CSMD1: variants seen among roughly 807,000 people sequenced by gnomAD.
CSMD1 encodes the protein CUB and sushi domain-containing protein 1.
In CSMD1, 213 loss-of-function variants were observed where a neutral mutation model predicts 417.5. The observed-to-expected ratio is 0.51, with a 90% CI of 0.46 to 0.57. The LOEUF (loss-of-function observed/expected upper bound fraction) is 0.57. Among genes scored for constraint, CSMD1 ranks in the 20% least tolerant of loss-of-function variants. CSMD1 has a pLI of 0.00. For synonymous variants in CSMD1, 2,862 were observed against 1,736.8 expected (o/e 1.65, Z -16.11); for missense variants, 6,923 against 4,529.7 (o/e 1.53, Z -15.17).
intron 1 of CSMD1, among the ~76,000 whole-genome samples, chr8:4,851,805 G>A (rs1023523683): frequency 5.3e-5 from 8 of 152,062 alleles, no homozygotes; most frequent in Admixed American, 5.2e-4. Flanking sequence ...TTTAACTTGT[G>A]TGATTAAATG....
At chr8:4,469,747 A>G (rs1367144975) in intron 2 of CSMD1, among the ~76,000 whole-genome samples, 2 of 152,142 alleles carry the variant, frequency 1.3e-5, no homozygotes, top group African/African-American at 4.8e-5. Context: ...ACAGGAGGCA[A>G]TGGAAGGAGC....
intron 3 of CSMD1, among the ~76,000 whole-genome samples, chr8:4,409,969 A>C: frequency 6.6e-6 from 1 of 151,984 alleles, no homozygotes; most frequent in Non-Finnish European, 1.5e-5. Flanking sequence ...ACCCGCCACT[A>C]CGCCCAGCAA....
chr8:4,896,051 A>G (rs747378804), intron 1 of CSMD1, among the ~76,000 whole-genome samples: 1 of 152,100 alleles, frequency 6.6e-6, no homozygotes. Context: ...TTGTAGTTCA[A>G]TGTGTGGTTT....
chr8:3,462,717 C>G (rs139700225), intron 12 of CSMD1, among the ~76,000 whole-genome samples: 16 of 152,240 alleles, frequency 1.1e-4, no homozygotes, highest in African/African-American at 3.9e-4. Context: ...TTCAGTCACC[C>G]TGAAATCATC....
chr8:3,127,177 G>C (rs1180963452), intron 41 of CSMD1, among the ~76,000 whole-genome samples: 1 of 152,130 alleles, frequency 6.6e-6, no homozygotes, highest in Non-Finnish European at 1.5e-5. Context: ...TGCCCTAGCG[G>C]GGATGGGGAT....
At chr8:3,879,433 G>C (rs151080370) in intron 5 of CSMD1, among the ~76,000 whole-genome samples, 1 of 152,048 alleles carries the variant, frequency 6.6e-6, no homozygotes, top group East Asian at 1.9e-4. Flanking sequence ...GAATCAGTCC[G>C]GTCATTGAGA....
At chr8:3,355,979 C>A (rs995551941) in intron 21 of CSMD1, among the ~76,000 whole-genome samples, 3 of 152,020 alleles carry the variant, frequency 2.0e-5, no homozygotes, top group African/African-American at 7.2e-5. Flanking sequence ...TTGAAAAAAA[C>A]CCTAAAATGA....
chr8:3,333,693 C>T (rs536727156), intron 23 of CSMD1, among the ~76,000 whole-genome samples: 243 of 152,262 alleles, frequency 1.6e-3, no homozygotes, highest in African/African-American at 5.7e-3. Flanking sequence ...TAACCCTATT[C>T]TATACTTTCC....
chr8:3,502,364 C>CAA (rs371588108), intron 10 of CSMD1, among the ~76,000 whole-genome samples: 9,647 of 109,092 alleles, frequency 0.088, 736 homozygotes, highest in African/African-American at 0.18. Context: ...GACTTCATCT[C>CAA]AAAAAAAAAA....
chr8:4,263,464 T>G (rs745731035), intron 3 of CSMD1, among the ~76,000 whole-genome samples: 22 of 152,196 alleles, frequency 1.4e-4, no homozygotes, highest in Non-Finnish European at 2.5e-4. Flanking sequence ...ACATAGTTGT[T>G]CCTTCCAAAC....
intron 3 of CSMD1, among the ~76,000 whole-genome samples, chr8:4,377,602 A>G (rs1038593068): frequency 3.9e-5 from 6 of 152,190 alleles, no homozygotes; most frequent in Non-Finnish European, 2.9e-5. Context: ...TCAAAGCCTC[A>G]ATTTTATGAT....
intron 3 of CSMD1, among the ~76,000 whole-genome samples, chr8:4,289,765 C>T (rs1244263526): frequency 2.0e-5 from 3 of 152,174 alleles, no homozygotes; most frequent in South Asian, 2.1e-4. Flanking sequence ...CTCCACCGTA[C>T]TGGAAGCACC....
At chr8:3,962,810 A>G (rs1991279) in intron 5 of CSMD1, among the ~76,000 whole-genome samples, 69,001 of 151,964 alleles carry the variant, frequency 0.45, 16,507 homozygotes, top group East Asian at 0.71. Flanking sequence ...TGAGGGCAAT[A>G]AGTTTCTTTT....
chr8:3,268,341 G>A (rs1163767784), intron 26 of CSMD1, among the ~76,000 whole-genome samples: 4 of 127,380 alleles, frequency 3.1e-5, no homozygotes, highest in African/African-American at 1.3e-4. Context: ...CTGTCACCCA[G>A]GCTGGAGCGT....
chr8:4,461,609 G>C (rs980666179), intron 2 of CSMD1, among the ~76,000 whole-genome samples: 48 of 151,828 alleles, frequency 3.2e-4, no homozygotes, highest in Middle Eastern at 3.4e-3. Flanking sequence ...GAAATGCAGT[G>C]GTACAATCTC....
chr8:3,973,191 A>G (rs529402342), intron 5 of CSMD1, among the ~76,000 whole-genome samples: 4 of 152,296 alleles, frequency 2.6e-5, no homozygotes, highest in African/African-American at 9.6e-5. Flanking sequence ...GTTACCTTAA[A>G]TGGTGGTGCT....
intron 2 of CSMD1, among the ~76,000 whole-genome samples, chr8:4,610,347 T>C (rs923498676): frequency 6.6e-6 from 1 of 152,200 alleles, no homozygotes; most frequent in East Asian, 1.9e-4. Context: ...ATTGTAAGCA[T>C]GTGAGTCACA....
intron 3 of CSMD1, among the ~76,000 whole-genome samples, chr8:4,160,985 C>G (rs1454841658): frequency 6.6e-6 from 1 of 152,082 alleles, no homozygotes; most frequent in East Asian, 1.9e-4. Flanking sequence ...GTTAATTATT[C>G]TTTGGTGATC....
chr8:4,437,998 T>C (rs150668639), intron 2 of CSMD1, among the ~76,000 whole-genome samples: 124 of 152,242 alleles, frequency 8.1e-4, no homozygotes, highest in African/African-American at 2.8e-3. Flanking sequence ...AATAAAGTGG[T>C]CTGATCTGCA....
Sources: gnomAD v4.1 joint callset for allele counts (sites outside exome capture counted in the v4.1 genomes callset) on GRCh38, gnomAD v4.1.1 for gene constraint, MANE v1.5 for transcripts, NCBI Gene and HGNC (gene_info 2026-07-23, HGNC 2026-07-21) for gene names.